Variants in ZFPM2 observed in about 807,000 individuals in gnomAD.
The protein encoded by ZFPM2 is zinc finger protein, FOG family member 2.
Under a neutral mutation model 98.6 loss-of-function variants are expected in ZFPM2, and 20 were observed. That is an observed-to-expected ratio of 0.20 (90% CI 0.14 to 0.29). The LOEUF is 0.29. ZFPM2 is among the 10% of genes least tolerant of loss of function. ZFPM2 has a pLI of 1.00. For synonymous variants in ZFPM2, 518 were observed against 502.7 expected (o/e 1.03, Z -0.41); for missense variants, 1,310 against 1,388.6 (o/e 0.94, Z 0.90).
At chr8:105,452,542 G>A (rs1812505467) in intron 3 of ZFPM2, among the ~76,000 whole-genome samples, 1 of 151,848 alleles carries the variant, frequency 6.6e-6, no homozygotes, top group Admixed American at 6.6e-5. Flanking sequence ...GAGCCCAGAA[G>A]TTTGAGACCA....
At chr8:105,703,543 T>G (rs980137720) in intron 5 of ZFPM2, among the ~76,000 whole-genome samples, 22 of 152,060 alleles carry the variant, frequency 1.4e-4, no homozygotes, top group Admixed American at 3.3e-4. Flanking sequence ...TTGGCTTGTT[T>G]AGGAAATGGG....
At chr8:105,795,393 G>A (rs1813768193) in intron 6 of ZFPM2, among the ~76,000 whole-genome samples, 1 of 151,426 alleles carries the variant, frequency 6.6e-6, no homozygotes, top group Non-Finnish European at 1.5e-5. Context: ...TTCTACATGA[G>A]TTCAATAATA....
chr8:105,760,785 G>A (rs1171742102), intron 5 of ZFPM2, among the ~76,000 whole-genome samples: 1 of 151,972 alleles, frequency 6.6e-6, no homozygotes, highest in Non-Finnish European at 1.5e-5. Context: ...CAACTAAAAC[G>A]AAAACAAGTA....
chr8:105,431,782 T>C (rs1202927154), intron 2 of ZFPM2, among the ~76,000 whole-genome samples: 1 of 151,908 alleles, frequency 6.6e-6, no homozygotes, highest in Admixed American at 6.6e-5. Flanking sequence ...TAGCAGGGCA[T>C]GGTGGTGCAT....
chr8:105,604,467 A>G (rs963224183), intron 4 of ZFPM2, among the ~76,000 whole-genome samples: 5 of 152,086 alleles, frequency 3.3e-5, no homozygotes, highest in Admixed American at 2.6e-4. Context: ...TCCCAAGACC[A>G]TGCAATGGCT....
intron 1 of ZFPM2, among the ~76,000 whole-genome samples, chr8:105,391,127 G>A (rs1276420320): frequency 2.0e-5 from 3 of 152,130 alleles, no homozygotes; most frequent in Non-Finnish European, 2.9e-5. Flanking sequence ...ACAAATTGAA[G>A]TTTTGTGGAG....
intron 5 of ZFPM2, among the ~76,000 whole-genome samples, chr8:105,637,911 T>C (rs1468534837): frequency 6.6e-6 from 1 of 152,074 alleles, no homozygotes; most frequent in African/African-American, 2.4e-5. Flanking sequence ...CTCTTTTGTT[T>C]TCAAGTGGTG....
At chr8:105,632,742 G>T (rs1435881880) in intron 4 of ZFPM2, among the ~76,000 whole-genome samples, 2 of 152,124 alleles carry the variant, frequency 1.3e-5, no homozygotes, top group East Asian at 3.9e-4. Flanking sequence ...GGCTTTTAGA[G>T]AACTGCTTCA....
chr8:105,673,016 A>C (rs1563515397), intron 5 of ZFPM2, among the ~76,000 whole-genome samples: 1 of 151,384 alleles, frequency 6.6e-6, no homozygotes, highest in Non-Finnish European at 1.5e-5. Context: ...ACTTGGAATG[A>C]AACCTTGCCT....
rs530125219 is a variant in ZFPM2 at position 105,752,587 on chromosome 8, C to T, written c.533-36131C>T. Among the ~76,000 whole-genome samples the T allele has an allele frequency of 1.6e-3, 238 of 152,186 alleles. 1 individual carries two copies. Among genetic ancestry groups the T allele is most frequent in the African/African-American group, 4.9e-3 (204 of 41,542 alleles). On this transcript the variant is annotated intron_variant, in intron 5 of 7. Transcript: ENST00000407775. ...ACGTAGAACACTTAAAATAGTGTTT[C>T]GTTCATAATTTATCATAATCGTATA...
chr8:105,799,012 G>A, intron 7 of ZFPM2, 64 bp downstream of exon 7: 3 of 1,371,694 alleles, frequency 2.2e-6, no homozygotes, highest in Non-Finnish European at 3.1e-6. Flanking sequence ...AAATATATAT[G>A]CATTACATGT....
At chr8:105,655,028 G>A (rs929703636) in intron 5 of ZFPM2, among the ~76,000 whole-genome samples, 2 of 151,928 alleles carry the variant, frequency 1.3e-5, no homozygotes, top group African/African-American at 2.4e-5. Flanking sequence ...ATTTTAGATT[G>A]CAACTTATTT....
At chr8:105,745,683 C>T (rs1268936719) in intron 5 of ZFPM2, among the ~76,000 whole-genome samples, 1 of 151,988 alleles carries the variant, frequency 6.6e-6, no homozygotes, top group Non-Finnish European at 1.5e-5. Flanking sequence ...TTGTTCATCC[C>T]AGTTGTGATT....
chr8:105,723,825 C>T (rs1811734161), intron 5 of ZFPM2, among the ~76,000 whole-genome samples: 1 of 151,672 alleles, frequency 6.6e-6, no homozygotes, highest in African/African-American at 2.4e-5. Context: ...TAATAAATGT[C>T]CTTTGTGGCA....
intron 5 of ZFPM2, among the ~76,000 whole-genome samples, chr8:105,669,046 G>T (rs1817540098): frequency 6.6e-6 from 1 of 152,050 alleles, no homozygotes; most frequent in Admixed American, 6.6e-5. Context: ...ACTACATTTG[G>T]AATGTTTCAC....
chr8:105,527,165 T>C (rs1814192277), intron 3 of ZFPM2, among the ~76,000 whole-genome samples: 1 of 152,134 alleles, frequency 6.6e-6, no homozygotes, highest in Non-Finnish European at 1.5e-5. Context: ...AATCTTACTA[T>C]GGGTGTTCTT....
At chr8:105,573,833 G>T (rs951076075) in intron 4 of ZFPM2, among the ~76,000 whole-genome samples, 2 of 152,148 alleles carry the variant, frequency 1.3e-5, no homozygotes, top group East Asian at 1.9e-4. Context: ...CCGTGATGGG[G>T]TCAGAACAGC....
intron 1 of ZFPM2, among the ~76,000 whole-genome samples, chr8:105,334,157 TG>T (rs1812284501): frequency 6.7e-6 from 1 of 148,742 alleles, no homozygotes; most frequent in Non-Finnish European, 1.5e-5. Context: ...TGTGTGTGTG[TG>T]TGGTGGGGGG....
chr8:105,486,366 TTG>T (rs145022342), intron 3 of ZFPM2, among the ~76,000 whole-genome samples: 97 of 152,208 alleles, frequency 6.4e-4, no homozygotes, highest in African/African-American at 2.0e-3. Flanking sequence ...TGGTGTCTGT[TTG>T]TGTGTGTATG....
Sources: allele counts gnomAD v4.1 joint callset (sites outside exome capture counted in the v4.1 genomes callset), GRCh38; gene constraint gnomAD v4.1.1; transcripts MANE v1.5; gene names NCBI Gene and HGNC (gene_info 2026-07-23, HGNC 2026-07-21).